NPAS3: variants seen among roughly 807,000 people sequenced by gnomAD.
NPAS3 encodes the protein neuronal PAS domain protein 3, also known as neuronal PAS domain-containing protein 3.
A neutral mutation model predicts 73.1 loss-of-function variants in NPAS3; 14 were observed. That is an observed-to-expected ratio of 0.19 (90% confidence interval 0.13 to 0.30). NPAS3 has a LOEUF of 0.30. Ranked by LOEUF, NPAS3 falls within the 10% of genes least tolerant of loss-of-function variation. The probability of loss-of-function intolerance (pLI) is 1.00; values close to 1 mark genes in which losing one functional copy is unlikely to be tolerated. For missense variants in NPAS3, 1,096 were observed against 1,250.0 expected (o/e 0.88, Z 1.86); for synonymous variants, 620 against 541.5 (o/e 1.14, Z -2.01).
chr14:33,124,839 C>A (rs1394309957), intron 2 of NPAS3, among the ~76,000 whole-genome samples: 1 of 151,876 alleles, frequency 6.6e-6, no homozygotes, highest in Non-Finnish European at 1.5e-5. Flanking sequence ...AAAGGTGTTA[C>A]AAGAAGAAAA....
intron 4 of NPAS3, among the ~76,000 whole-genome samples, chr14:33,469,953 G>A (rs2050709780): frequency 6.6e-6 from 1 of 152,164 alleles, no homozygotes; most frequent in African/African-American, 2.4e-5. Flanking sequence ...TTGGCATCAG[G>A]GGGCCAGCTC....
chr14:33,597,878 G>C (rs948277444), intron 5 of NPAS3, among the ~76,000 whole-genome samples: 2 of 152,174 alleles, frequency 1.3e-5, no homozygotes, highest in African/African-American at 4.8e-5. Flanking sequence ...CCTATATACT[G>C]TCTTCAAGTT....
At chr14:33,230,375 C>G (rs1405758937) in intron 3 of NPAS3, among the ~76,000 whole-genome samples, 1 of 152,190 alleles carries the variant, frequency 6.6e-6, no homozygotes, top group Non-Finnish European at 1.5e-5. Context: ...GCAACAGACT[C>G]TGCTAGCTTT....
chr14:33,567,471 G>T (rs2056014967), intron 5 of NPAS3, among the ~76,000 whole-genome samples: 1 of 152,214 alleles, frequency 6.6e-6, no homozygotes, highest in Non-Finnish European at 1.5e-5. Context: ...TGTCCTCTCA[G>T]AAGTGGGTGA....
At chr14:32,957,627 C>T (rs928973628) in intron 1 of NPAS3, among the ~76,000 whole-genome samples, 1 of 152,180 alleles carries the variant, frequency 6.6e-6, no homozygotes, top group African/African-American at 2.4e-5. Flanking sequence ...CTGCCTCGGC[C>T]TCCCAAAGTG....
chr14:33,304,060 A>G (rs1026242020), intron 3 of NPAS3, among the ~76,000 whole-genome samples: 2 of 152,204 alleles, frequency 1.3e-5, no homozygotes, highest in African/African-American at 4.8e-5. Flanking sequence ...GGTGCCCGCA[A>G]CCACGCCCGA....
At chr14:33,680,894 T>G (rs1314013571) in intron 6 of NPAS3, 2 of 492,228 alleles carry the variant, frequency 4.1e-6, no homozygotes, top group Non-Finnish European at 7.1e-6. Flanking sequence ...AGGCAAAATC[T>G]AGCCTGTTTT....
intron 9 of NPAS3, 91 bp downstream of exon 9, chr14:33,778,663 T>G: frequency 2.4e-6 from 2 of 818,050 alleles, no homozygotes; most frequent in Admixed American, 3.7e-5. Context: ...TCCCTTCATC[T>G]TTCCTGTGTA....
At chr14:33,763,998 T>C (rs2062379858) in intron 7 of NPAS3, among the ~76,000 whole-genome samples, 1 of 152,234 alleles carries the variant, frequency 6.6e-6, no homozygotes, top group Non-Finnish European at 1.5e-5. Flanking sequence ...AGAGTTGCAC[T>C]TCCCTAGGGC....
At chr14:33,312,797 G>A (rs1475422124) in intron 3 of NPAS3, among the ~76,000 whole-genome samples, 2 of 151,982 alleles carry the variant, frequency 1.3e-5, no homozygotes, top group East Asian at 1.9e-4. Context: ...GAAAACAAAA[G>A]CCTTAGAGAG....
upstream of NPAS3, among the ~76,000 whole-genome samples, chr14:32,936,906 C>A (rs2035712034): frequency 6.6e-6 from 1 of 151,496 alleles, no homozygotes; most frequent in African/African-American, 2.4e-5. Flanking sequence ...TCTCTGAATC[C>A]CACTGCAGTT....
At chr14:33,669,552 C>T (rs2059552475) in intron 5 of NPAS3, among the ~76,000 whole-genome samples, 1 of 152,134 alleles carries the variant, frequency 6.6e-6, no homozygotes, top group Non-Finnish European at 1.5e-5. Flanking sequence ...TGGAGGTATA[C>T]CTGATCTAAG....
At chr14:33,042,367 G>A (rs1216625852) in intron 1 of NPAS3, among the ~76,000 whole-genome samples, 1 of 152,168 alleles carries the variant, frequency 6.6e-6, no homozygotes. Context: ...ACCTGTGGAT[G>A]TATAGATATG....
At chr14:33,091,596 T>C (rs2042226237) in intron 2 of NPAS3, among the ~76,000 whole-genome samples, 1 of 152,168 alleles carries the variant, frequency 6.6e-6, no homozygotes, top group Non-Finnish European at 1.5e-5. Context: ...TCTGAAGCTA[T>C]TCCAATCAAT....
chr14:33,331,144 A>G (rs2140276482), intron 3 of NPAS3, among the ~76,000 whole-genome samples: 1 of 152,328 alleles, frequency 6.6e-6, no homozygotes, highest in South Asian at 2.1e-4. Context: ...TAAATCAGGA[A>G]TCATCTTATC....
intron 5 of NPAS3, among the ~76,000 whole-genome samples, chr14:33,629,656 GT>G (rs1461597471): frequency 6.6e-6 from 1 of 151,086 alleles, no homozygotes; most frequent in African/African-American, 2.4e-5. Flanking sequence ...ACTCACCATT[GT>G]ATGATCCTTA....
chr14:33,448,898 A>G (rs533701196), intron 4 of NPAS3, among the ~76,000 whole-genome samples: 12 of 152,338 alleles, frequency 7.9e-5, no homozygotes, highest in African/African-American at 2.4e-4. Context: ...GATGCCAGCC[A>G]GGTCCAAGAG....
chr14:33,510,858 C>T (rs1411454277), intron 4 of NPAS3, among the ~76,000 whole-genome samples: 2 of 152,024 alleles, frequency 1.3e-5, no homozygotes, highest in African/African-American at 4.8e-5. Flanking sequence ...ATGACTGATG[C>T]TTTATGTGTT....
chr14:33,118,975 A>G (rs113650833), intron 2 of NPAS3, among the ~76,000 whole-genome samples: 1 of 151,914 alleles, frequency 6.6e-6, no homozygotes, highest in African/African-American at 2.4e-5. Context: ...TTAACCATAC[A>G]GCTGTTACCA....
Sources: gnomAD v4.1 joint callset for allele counts (sites outside exome capture counted in the v4.1 genomes callset) on GRCh38, gnomAD v4.1.1 for gene constraint, MANE v1.5 for transcripts, NCBI Gene and HGNC (gene_info 2026-07-23, HGNC 2026-07-21) for gene names.